Variants in SEC24D observed in about 807,000 individuals in gnomAD.
SEC24D encodes protein transport protein Sec24D.
Under a neutral mutation model 116.9 loss-of-function variants are expected in SEC24D, and 69 were observed. The observed-to-expected ratio is 0.59, with a 90% CI of 0.49 to 0.72. SEC24D has a LOEUF of 0.72. Ranked by LOEUF, SEC24D falls within the 30% of genes least tolerant of loss-of-function variation. The pLI, the probability that SEC24D is intolerant of heterozygous loss-of-function variation, is 0.00. For missense variants in SEC24D, 1,131 were observed against 1,264.1 expected (o/e 0.89, Z 1.60); for synonymous variants, 405 against 442.8 (o/e 0.91, Z 1.07).
intron 8 of SEC24D, among the ~76,000 whole-genome samples, chr4:118,770,343 AAAAG>A (rs1727841891): frequency 6.6e-6 from 1 of 152,222 alleles, no homozygotes. Context: ...AGGTACAAAA[AAAAG>A]AGATTCTTAG....
chr4:118,762,377 C>T (rs1290874657), intron 10 of SEC24D, among the ~76,000 whole-genome samples: 1 of 152,104 alleles, frequency 6.6e-6, no homozygotes, highest in Non-Finnish European at 1.5e-5. Flanking sequence ...GGCACTTACG[C>T]GGTCTCTAAG....
At chr4:118,770,608 C>T (rs574892423) in intron 8 of SEC24D, among the ~76,000 whole-genome samples, 1 of 152,270 alleles carries the variant, frequency 6.6e-6, no homozygotes, top group Non-Finnish European at 1.5e-5. Flanking sequence ...AAGGCTGTAA[C>T]AAATCCCCTG....
Position 118,731,524 on chromosome 4 carries a change from A to G in SEC24D, c.2677-17T>C. 2 of 1,610,810 alleles carry G rather than the reference A, an allele frequency of 1.2e-6. No individual in the cohort carries two copies. On this transcript the variant is annotated splice_polypyrimidine_tract_variant and intron_variant, in intron 20 of 22. Transcript: ENST00000280551. Reference sequence around the variant, plus strand: ...TAACGTGTGCTGGGCAGGCACAGACAAAAGAGTTAGAAACTCCTTTCTTCC... The same window carrying G: ...TAACGTGTGCTGGGCAGGCACAGACGAAAGAGTTAGAAACTCCTTTCTTCC...
At chr4:118,746,368 T>C (rs772518081) in intron 13 of SEC24D, among the ~76,000 whole-genome samples, 4 of 152,068 alleles carry the variant, frequency 2.6e-5, no homozygotes, top group Non-Finnish European at 4.4e-5. Flanking sequence ...CATGCAGCTC[T>C]GTGCCAGGCT....
intron 6 of SEC24D, among the ~76,000 whole-genome samples, chr4:118,809,346 T>C (rs1729807059): frequency 6.6e-6 from 1 of 152,186 alleles, no homozygotes; most frequent in South Asian, 2.1e-4. Flanking sequence ...TTGATGATGA[T>C]ACATTTCCTT....
chr4:118,810,018 G>C (rs191737510), intron 6 of SEC24D, among the ~76,000 whole-genome samples: 2 of 151,456 alleles, frequency 1.3e-5, no homozygotes, highest in Non-Finnish European at 2.9e-5. Context: ...CAAAGAGGCT[G>C]GTGTTGCTGG....
At chr4:118,731,537 A>G (rs770764980) in intron 20 of SEC24D, 30 bp from the exon 21 acceptor site, 1 of 1,591,692 alleles carries the variant, frequency 6.3e-7, no homozygotes. Flanking sequence ...AGAGTTAGAA[A>G]CTCCTTTCTT....
intron 13 of SEC24D, 86 bp from the exon 14 acceptor site, chr4:118,745,146 C>A (rs1324939919): frequency 1.3e-6 from 1 of 763,834 alleles, no homozygotes. Context: ...AATATAAGTT[C>A]TTTCTATGAG....
rs1167555613 is a variant in SEC24D at position 118,723,140 on chromosome 4, T to C, written c.*375A>G. 4.5e-5 allele frequency: 7 copies of C among 156,810 alleles called. No homozygotes were observed. Among genetic ancestry groups the C allele is most frequent in the Non-Finnish European group, 8.4e-5 (6 of 71,040 alleles). The allele number at this position is 156,810 out of a possible 1,614,324, so 9.7% of individuals were successfully genotyped here. ...ATTAAGCTTTTTTTTCTCATTGCAA[T>C]TGGGAGAGGAACTGAGACAACTTTT... On this transcript the variant is annotated 3_prime_UTR_variant, in exon 23 of 23. Transcript: ENST00000280551.
At chr4:118,724,354 G>C (rs1280249393) in intron 22 of SEC24D, among the ~76,000 whole-genome samples, 1 of 152,110 alleles carries the variant, frequency 6.6e-6, no homozygotes, top group Non-Finnish European at 1.5e-5. Context: ...ACAACAGCCA[G>C]ACACACATAC....
intron 19 of SEC24D, among the ~76,000 whole-genome samples, chr4:118,733,856 C>T (rs116475329): frequency 1.2e-3 from 177 of 152,088 alleles, no homozygotes; most frequent in African/African-American, 3.9e-3. Context: ...TCATAATCTA[C>T]CTGTACCTTC....
intron 10 of SEC24D, among the ~76,000 whole-genome samples, chr4:118,762,432 C>T (rs1284467819): frequency 6.6e-6 from 1 of 152,072 alleles, no homozygotes; most frequent in African/African-American, 2.4e-5. Flanking sequence ...CATGGGTTCA[C>T]CGTGAGGACT....
At chr4:118,828,446 G>A (rs564421951) in intron 2 of SEC24D, among the ~76,000 whole-genome samples, 1 of 152,220 alleles carries the variant, frequency 6.6e-6, no homozygotes, top group African/African-American at 2.4e-5. Context: ...CTCCAGACCA[G>A]TGTCCTCAAG....
At chr4:118,814,069 C>T (rs535609740) in intron 6 of SEC24D, among the ~76,000 whole-genome samples, 1 of 152,286 alleles carries the variant, frequency 6.6e-6, no homozygotes, top group South Asian at 2.1e-4. Flanking sequence ...ATTTCTAATT[C>T]TTCAAGTACT....
chr4:118,815,779 G>C (rs1393210227), intron 4 of SEC24D, 53 bp from the exon 5 acceptor site: 1 of 1,582,810 alleles, frequency 6.3e-7, no homozygotes, highest in Non-Finnish European at 8.6e-7. Context: ...TCAACTCTCT[G>C]ACTTCTGCAA....
chr4:118,742,912 A>G (rs1434895913), intron 15 of SEC24D, among the ~76,000 whole-genome samples: 1 of 152,110 alleles, frequency 6.6e-6, no homozygotes, highest in Non-Finnish European at 1.5e-5. Context: ...GCTTGCCTGC[A>G]GGAGGCACAT....
chr4:118,817,395 G>A lies in SEC24D; in HGVS notation c.266C>T (p.Pro89Leu), dbSNP rs915139335. Residue 89 changes from proline (P) to leucine (L), a missense_variant, in exon 4 of 23, where the codon CCT (proline) becomes CTT (leucine). By Grantham distance (98) the Pro-to-Leu change is moderately conservative. Transcript: ENST00000280551. ...ATGTGAGGATGCCACATTGTTGACA[G>A]GTGGAGGGCCTGGAAATCTGAGAGA... ...HPPQRFPGPP[P>L]VNNVASSHAP... 1.2e-6 allele frequency: 2 copies of A among 1,608,122 alleles called. No homozygotes were observed. The highest frequency in any genetic ancestry group is 1.7e-6 in the Non-Finnish European group (2 of 1,178,058).
intron 21 of SEC24D, chr4:118,729,398 G>A (rs1216559226): frequency 6.6e-6 from 1 of 152,140 alleles, no homozygotes; most frequent in African/African-American, 2.4e-5. Context: ...GATACCAAGA[G>A]ACAATAGTAT....
intron 12 of SEC24D, 93 bp from the exon 13 acceptor site, chr4:118,752,182 A>G: frequency 1.2e-6 from 1 of 817,562 alleles, no homozygotes; most frequent in Non-Finnish European, 2.0e-6. Context: ...GCCTAAACAC[A>G]TATGGTATTT....
Sources: gnomAD v4.1 joint callset for allele counts (sites outside exome capture counted in the v4.1 genomes callset) on GRCh38, gnomAD v4.1.1 for gene constraint, MANE v1.5 for transcripts, NCBI Gene and HGNC (gene_info 2026-07-23, HGNC 2026-07-21) for gene names.